Variants in PCDH7 observed in about 807,000 individuals in gnomAD.
The protein encoded by PCDH7 is protocadherin 7.
Under a neutral mutation model 58.9 loss-of-function variants are expected in PCDH7, and 17 were observed. The observed-to-expected ratio is 0.29, with a 90% CI of 0.20 to 0.43. The LOEUF is 0.43. PCDH7 is among the 20% of genes least tolerant of loss of function. The pLI, the probability that PCDH7 is intolerant of heterozygous loss-of-function variation, is 1.00. For missense variants in PCDH7, 1,274 were observed against 1,441.0 expected (o/e 0.88, Z 1.88); for synonymous variants, 664 against 616.4 (o/e 1.08, Z -1.14).
chr4:31,142,545 A>G (rs759198961), exon 4 of PCDH7: 38 of 1,367,648 alleles, frequency 2.8e-5, no homozygotes, highest in Non-Finnish European at 3.7e-5. Flanking sequence ...GGCCACTCAG[A>G]CTCCTGCTGG....
intron 1 of PCDH7, among the ~76,000 whole-genome samples, chr4:30,770,039 A>G (rs1007017636): frequency 8.5e-5 from 13 of 152,180 alleles, no homozygotes; most frequent in Non-Finnish European, 1.3e-4. Flanking sequence ...AAAAACACCC[A>G]TTGAATTTAT....
intron 3 of PCDH7, among the ~76,000 whole-genome samples, chr4:31,136,935 A>G (rs922729410): frequency 6.6e-6 from 1 of 152,228 alleles, no homozygotes; most frequent in Non-Finnish European, 1.5e-5. Flanking sequence ...GCCCTATCAT[A>G]TAAAATAAAA....
downstream of PCDH7, among the ~76,000 whole-genome samples, chr4:30,736,887 G>C (rs1716376790): frequency 6.6e-6 from 1 of 152,124 alleles, no homozygotes; most frequent in Admixed American, 6.5e-5. Context: ...CAGAAAATCA[G>C]TTCTAGGAAG....
At chr4:31,001,783 T>A (rs917831844) in intron 3 of PCDH7, among the ~76,000 whole-genome samples, 1 of 152,194 alleles carries the variant, frequency 6.6e-6, no homozygotes, top group African/African-American at 2.4e-5. Context: ...TGAGAATATT[T>A]ACATAAATTA....
intron 2 of PCDH7, among the ~76,000 whole-genome samples, chr4:30,932,911 T>C (rs1469493993): frequency 6.6e-6 from 1 of 152,206 alleles, no homozygotes; most frequent in Non-Finnish European, 1.5e-5. Flanking sequence ...AGAAAGTCTC[T>C]GCCTCCTCTT....
At chr4:30,778,654 C>G (rs1465719220) in intron 1 of PCDH7, among the ~76,000 whole-genome samples, 1 of 151,604 alleles carries the variant, frequency 6.6e-6, no homozygotes, top group Non-Finnish European at 1.5e-5. Context: ...GCTGTTTATT[C>G]TTTTTGATGA....
intron 3 of PCDH7, among the ~76,000 whole-genome samples, chr4:31,056,512 A>G (rs112489865): frequency 0.038 from 3,867 of 101,392 alleles, 227 homozygotes; most frequent in African/African-American, 0.14. Flanking sequence ...AAAGAAAGAA[A>G]GAAAGGGGAA....
intron 1 of PCDH7, among the ~76,000 whole-genome samples, chr4:30,847,316 G>C (rs1002112474): frequency 6.6e-6 from 1 of 152,136 alleles, no homozygotes; most frequent in African/African-American, 2.4e-5. Flanking sequence ...TATGAGTAGT[G>C]TTAGCTTTCT....
At chr4:30,741,889 G>T (rs562293107) in intron 1 of PCDH7, among the ~76,000 whole-genome samples, 38 of 152,306 alleles carry the variant, frequency 2.5e-4, no homozygotes, top group African/African-American at 8.9e-4. Flanking sequence ...TTCAAGGAGG[G>T]TTCAAGAGAA....
chr4:30,975,143 T>G (rs768606583), intron 3 of PCDH7, among the ~76,000 whole-genome samples: 17 of 138,852 alleles, frequency 1.2e-4, no homozygotes, highest in South Asian at 5.0e-4. Flanking sequence ...TTCCCTTTCA[T>G]TGTGTGTGTG....
chr4:30,948,924 GA>G (rs1368036770), intron 2 of PCDH7, among the ~76,000 whole-genome samples: 1 of 152,112 alleles, frequency 6.6e-6, no homozygotes, highest in African/African-American at 2.4e-5. Flanking sequence ...AAGGCTAAAC[GA>G]AAAGAATTAT....
chr4:31,145,454 A>G (rs1300205097), downstream of PCDH7: 1 of 151,688 alleles, frequency 6.6e-6, no homozygotes, highest in Non-Finnish European at 1.5e-5. Flanking sequence ...AGTGCTTTTG[A>G]AAAAAAATCA....
intron 3 of PCDH7, among the ~76,000 whole-genome samples, chr4:31,078,778 G>C (rs942853985): frequency 1.3e-5 from 2 of 150,616 alleles, no homozygotes; most frequent in Admixed American, 6.7e-5. Flanking sequence ...AACAAATTTG[G>C]TGATAGGAAG....
chr4:31,109,478 G>A (rs986882542), intron 3 of PCDH7, among the ~76,000 whole-genome samples: 20 of 152,198 alleles, frequency 1.3e-4, no homozygotes, highest in Non-Finnish European at 2.5e-4. Context: ...CAAGTTTGTT[G>A]TTAGAATGTT....
At position 30,910,532 on chromosome 4, in the gene PCDH7, A is replaced by G. The variant is rs1741592625; in HGVS notation, c.71-9621A>G. On this transcript the variant is annotated intron_variant, in intron 1 of 3. Coordinates refer to the PCDH7 transcript ENST00000509759. ...TGGACAGCCAAAAGAAGACATTTTT[A>G]AGCATCCAACAAACATATGAAAAAA... Among the ~76,000 whole-genome samples the G allele has an allele frequency of 1.3e-5, 2 of 152,188 alleles. 1 individual carries two copies. The highest frequency in any genetic ancestry group is 4.1e-4 in the South Asian group (2 of 4,834).
intron 3 of PCDH7, among the ~76,000 whole-genome samples, chr4:31,131,316 T>C (rs1718957427): frequency 6.6e-6 from 1 of 152,134 alleles, no homozygotes; most frequent in South Asian, 2.1e-4. Flanking sequence ...TGTTGCTTCA[T>C]TGATTTCTCC....
At chr4:30,832,979 G>A (rs1729992723) in intron 1 of PCDH7, among the ~76,000 whole-genome samples, 1 of 152,164 alleles carries the variant, frequency 6.6e-6, no homozygotes, top group Non-Finnish European at 1.5e-5. Context: ...AAAGGTGGAA[G>A]CCTGTTTGGA....
intron 3 of PCDH7, among the ~76,000 whole-genome samples, chr4:31,014,405 T>C (rs886819694): frequency 6.6e-6 from 1 of 152,098 alleles, no homozygotes; most frequent in Non-Finnish European, 1.5e-5. Context: ...TTATAAGCAG[T>C]TTGCATGACA....
chr4:31,009,307 C>T (rs1004951868), intron 3 of PCDH7, among the ~76,000 whole-genome samples: 2 of 151,872 alleles, frequency 1.3e-5, no homozygotes, highest in Non-Finnish European at 2.9e-5. Context: ...AAATCTCACT[C>T]GTATTAGTGG....
Sources: allele counts gnomAD v4.1 joint callset (sites outside exome capture counted in the v4.1 genomes callset), GRCh38; gene constraint gnomAD v4.1.1; transcripts MANE v1.5; gene names NCBI Gene and HGNC (gene_info 2026-07-23, HGNC 2026-07-21).